The following MUSK variants were observed in gnomAD, a reference collection of about 807,000 sequenced individuals.
MUSK encodes muscle, skeletal receptor tyrosine-protein kinase.
Under a neutral mutation model 88.7 loss-of-function variants are expected in MUSK, and 55 were observed. The ratio of observed to expected loss-of-function variants is 0.62; its 90% CI spans 0.50 to 0.78. MUSK has a LOEUF of 0.78. MUSK is among the 30% of genes least tolerant of loss of function. The pLI is 0.00. For synonymous variants in MUSK, 387 were observed against 391.9 expected, an observed-to-expected ratio of 0.99 and a Z score of 0.15; for missense variants, 1,015 against 1,074.3, an observed-to-expected ratio of 0.94 and a Z score of 0.77.
chr9:110,689,955 AAT>A (rs1309633330), intron 3 of MUSK, among the ~76,000 whole-genome samples: 2 of 74,304 alleles, frequency 2.7e-5, no homozygotes, highest in Non-Finnish European at 2.4e-5. Context: ...TTTAAATATA[AAT>A]ATATATTTAT....
intron 11 of MUSK, among the ~76,000 whole-genome samples, chr9:110,779,575 G>T (rs1342498006): frequency 6.6e-6 from 1 of 152,048 alleles, no homozygotes; most frequent in African/African-American, 2.4e-5. Flanking sequence ...AGAATATCCA[G>T]AACTGAACAC....
rs1564209624 is a variant in MUSK at position 110,681,061 on chromosome 9, A to ATAT, written c.80-1612_80-1610dup. On this transcript the variant is annotated intron_variant, in intron 1 of 14. Coordinates refer to ENST00000374448, the MANE Select transcript of MUSK (RefSeq NM_005592.4). ...TTATATAATATATATTATATATTATATATATAATATTATATATATTATATA... is the reference window on the plus strand; with the variant it reads ...TTATATAATATATATTATATATTATATATTATATAATATTATATATATTATATA... 1.7e-4 allele frequency among the ~76,000 whole-genome samples: 4 copies of ATAT among 24,162 alleles called. 1 individual carries two copies. The highest frequency in any genetic ancestry group is 1.2e-3 in the East Asian group (2 of 1,634). 15.9% of individuals were successfully genotyped at this position (24,162 alleles called of 152,430 possible). A position where few individuals can be genotyped will look rare whatever the true frequency, so the allele number is the denominator to read the frequency against.
chr9:110,713,419 C>A (rs1220516090), intron 5 of MUSK, among the ~76,000 whole-genome samples: 1 of 151,906 alleles, frequency 6.6e-6, no homozygotes, highest in Non-Finnish European at 1.5e-5. Flanking sequence ...GCCACCATGC[C>A]CAGCTAATTC....
At chr9:110,760,185 T>C (rs1419306883) in intron 7 of MUSK, among the ~76,000 whole-genome samples, 2 of 152,140 alleles carry the variant, frequency 1.3e-5, no homozygotes, top group Non-Finnish European at 1.5e-5. Context: ...AGAACTACCA[T>C]TCGACCCAGC....
intron 1 of MUSK, among the ~76,000 whole-genome samples, chr9:110,671,247 G>T (rs983813512): frequency 4.6e-5 from 7 of 152,146 alleles, no homozygotes; most frequent in African/African-American, 1.4e-4. Context: ...TGGGATTACA[G>T]GCATGAGCCA....
intron 7 of MUSK, among the ~76,000 whole-genome samples, chr9:110,755,299 T>G (rs576734008): frequency 6.6e-6 from 1 of 152,214 alleles, no homozygotes. Context: ...TAGAGCTTAT[T>G]ATTGGCTAAA....
intron 7 of MUSK, among the ~76,000 whole-genome samples, chr9:110,760,927 A>C (rs2077389117): frequency 6.6e-6 from 1 of 152,166 alleles, no homozygotes; most frequent in Non-Finnish European, 1.5e-5. Context: ...AATCCCCCCC[A>C]AAATAACACC....
intron 6 of MUSK, among the ~76,000 whole-genome samples, chr9:110,742,965 G>A (rs1383478896): frequency 6.6e-6 from 1 of 152,178 alleles, no homozygotes; most frequent in Non-Finnish European, 1.5e-5. Flanking sequence ...TGTAAAAGTT[G>A]CAAACCAGAA....
In MUSK at chr9:110,785,833, T is replaced by C. The variant is rs569221258; in HGVS notation, c.1778+115T>C. 3,290 of 208,022 alleles carry C rather than the reference T, an allele frequency of 0.016. 77 individuals carry two copies. The African/African-American group carries it at 0.22, about 14-fold the overall frequency. 12.9% of individuals were successfully genotyped at this position (208,022 alleles called of 1,614,324 possible). On this transcript the variant is annotated intron_variant, in intron 13 of 14. Coordinates refer to ENST00000374448, the MANE Select transcript of MUSK (RefSeq NM_005592.4). ...AGCTTTATATATATATACACACACA[T>C]ATATATATATATATCAAGCTAATGA... is the stretch of plus-strand genomic sequence containing the variant.
chr9:110,744,053 C>T (rs989955194), intron 6 of MUSK, among the ~76,000 whole-genome samples: 46 of 152,050 alleles, frequency 3.0e-4, no homozygotes, highest in Admixed American at 1.8e-3. Context: ...CTGCAACCTC[C>T]ACCTCCTGGG....
chr9:110,682,422 T>C (rs997268355), intron 1 of MUSK, among the ~76,000 whole-genome samples: 5 of 152,044 alleles, frequency 3.3e-5, no homozygotes, highest in Non-Finnish European at 7.4e-5. Context: ...CCATAAAACT[T>C]GGATCTGCCT....
intron 5 of MUSK, among the ~76,000 whole-genome samples, chr9:110,709,016 T>C (rs906470540): frequency 6.6e-6 from 1 of 152,142 alleles, no homozygotes. Context: ...TAAAGGAAAA[T>C]TGCTTTCTAT....
chr9:110,687,642 G>A (rs2076215759), intron 3 of MUSK, among the ~76,000 whole-genome samples: 1 of 152,036 alleles, frequency 6.6e-6, no homozygotes, highest in Non-Finnish European at 1.5e-5. Flanking sequence ...CGCTGACTTG[G>A]TACACTTTAA....
At chr9:110,754,104 G>A (rs1275701189) in intron 7 of MUSK, among the ~76,000 whole-genome samples, 2 of 152,174 alleles carry the variant, frequency 1.3e-5, no homozygotes, top group Non-Finnish European at 2.9e-5. Flanking sequence ...GGCATTCCAT[G>A]CTGGCTTTCT....
chr9:110,789,156 G>A (rs542879202), intron 14 of MUSK, among the ~76,000 whole-genome samples: 2 of 152,358 alleles, frequency 1.3e-5, no homozygotes, highest in African/African-American at 2.4e-5. Flanking sequence ...TTCTCTGGCT[G>A]CTTTCTTGAG....
At position 110,761,606 on chromosome 9, in the gene MUSK, C is replaced by T. The variant is rs113831512; in HGVS notation, c.914-596C>T. On this transcript the variant is annotated intron_variant, in intron 7 of 14. Transcript: ENST00000374448. Reference sequence around the variant, plus strand: ...TTTTTTTTTTTTTGAGACGGAGTCTCGCTGTCGCCCAGGCTGGAGTGCACT... The same window carrying T: ...TTTTTTTTTTTTTGAGACGGAGTCTTGCTGTCGCCCAGGCTGGAGTGCACT... Among the ~76,000 whole-genome samples the T allele has an allele frequency of 0.03, 3,436 of 112,816 alleles. 168 individuals are homozygous for T. Among genetic ancestry groups the T allele is most frequent in the African/African-American group, 0.11 (3,277 of 29,936 alleles). The allele number at this position is 112,816 out of a possible 152,430, so 74.0% of individuals were successfully genotyped here.
chr9:110,776,111 G>A (rs1415983285), intron 10 of MUSK, 148 bp downstream of exon 10: 3 of 722,170 alleles, frequency 4.2e-6, no homozygotes, highest in South Asian at 4.1e-5. Context: ...CCTACTAGCG[G>A]AATCCTAATG....
At chr9:110,752,262 A>C (rs746966136) in intron 7 of MUSK, among the ~76,000 whole-genome samples, 1 of 152,184 alleles carries the variant, frequency 6.6e-6, no homozygotes, top group Non-Finnish European at 1.5e-5. Flanking sequence ...CACTGAGGAA[A>C]CTACCTCCCA....
In MUSK at chr9:110,690,086, ATATAT is replaced by A. The variant is rs560392920; in HGVS notation, c.358+2824_358+2828del. ...ATTATGTAAGTATAAATATATAAAT[ATATAT>A]TATATAAGTATAAATATAGAAATAT... On this transcript the variant is annotated intron_variant, in intron 3 of 14. Coordinates refer to ENST00000374448, the MANE Select transcript of MUSK (RefSeq NM_005592.4). Among the ~76,000 whole-genome samples the A allele has an allele frequency of 5.4e-3, 512 of 94,536 alleles. 4 individuals are homozygous for A. The highest frequency in any genetic ancestry group is 0.021 in the African/African-American group (458 of 21,690). 62.0% of individuals were successfully genotyped at this position (94,536 alleles called of 152,430 possible).
Sources: gnomAD v4.1 joint callset for allele counts (sites outside exome capture counted in the v4.1 genomes callset) on GRCh38, gnomAD v4.1.1 for gene constraint, MANE v1.5 for transcripts, NCBI Gene and HGNC (gene_info 2026-07-23, HGNC 2026-07-21) for gene names.